AHCYL2: variants seen among roughly 807,000 people sequenced by gnomAD.
AHCYL2 encodes the protein adenosylhomocysteinase like 2, also known as S-adenosylhomocysteine hydrolase-like protein 2.
Under a neutral mutation model 81.4 loss-of-function variants are expected in AHCYL2, and 28 were observed. That is an observed-to-expected ratio of 0.34 (90% CI 0.25 to 0.47). The LOEUF is 0.47. Among genes scored for constraint, AHCYL2 ranks in the 20% least tolerant of loss-of-function variants. AHCYL2 has a pLI of 1.00. For synonymous variants in AHCYL2, 272 were observed against 290.2 expected, an observed-to-expected ratio of 0.94 and a Z score of 0.64; for missense variants, 551 against 785.1, an observed-to-expected ratio of 0.70 and a Z score of 3.56.
intron 1 of AHCYL2, among the ~76,000 whole-genome samples, chr7:129,311,414 T>C (rs1470322635): frequency 2.0e-5 from 3 of 152,248 alleles, no homozygotes; most frequent in Non-Finnish European, 4.4e-5. Context: ...TCATCTAACC[T>C]AAATGCTGAC....
chr7:129,351,796 T>G (rs1206027328), intron 1 of AHCYL2: 1 of 152,182 alleles, frequency 6.6e-6, no homozygotes, highest in African/African-American at 2.4e-5. Context: ...CCTGATACTG[T>G]TTTTCAAGGT....
intron 1 of AHCYL2, 119 bp from the exon 2 acceptor site, chr7:129,379,519 A>AT: frequency 1.4e-6 from 1 of 698,272 alleles, no homozygotes; most frequent in Non-Finnish European, 2.4e-6. Flanking sequence ...TATCCCAAAC[A>AT]TAGGTTGATA....
chr7:129,283,845 T>C (rs962086942), intron 1 of AHCYL2, among the ~76,000 whole-genome samples: 5 of 152,196 alleles, frequency 3.3e-5, no homozygotes, highest in Non-Finnish European at 2.9e-5. Flanking sequence ...TCTACCTATC[T>C]TGTTTGATTT....
chr7:129,251,207 A>G lies in AHCYL2; in HGVS notation c.363+25768A>G, dbSNP rs146558556. Among the ~76,000 whole-genome samples the G allele has an allele frequency of 2.0e-5, 3 of 152,298 alleles. No homozygotes were observed. In the East Asian group the frequency reaches 5.8e-4, roughly 29 times the overall value. On this transcript the variant is annotated intron_variant, in intron 1 of 16. Transcript: ENST00000325006. ...TGAGGTTTATATACCTTGATTGGTAAGCCTGTGTCTGATGTTTTAAGTGCC... is the reference window on the plus strand; with the variant it reads ...TGAGGTTTATATACCTTGATTGGTAGGCCTGTGTCTGATGTTTTAAGTGCC...
intron 1 of AHCYL2, among the ~76,000 whole-genome samples, chr7:129,237,217 GT>G (rs773299192): frequency 6.6e-6 from 1 of 151,730 alleles, no homozygotes; most frequent in Non-Finnish European, 1.5e-5. Flanking sequence ...TTCTTCACCT[GT>G]TTATATGGTT....
chr7:129,246,337 C>T (rs1343018063), intron 1 of AHCYL2, among the ~76,000 whole-genome samples: 3 of 152,030 alleles, frequency 2.0e-5, no homozygotes, highest in Non-Finnish European at 2.9e-5. Context: ...GGATTACAGG[C>T]GTGAGCCACC....
rs58088647 is a variant in AHCYL2, at chr7:129,227,457, CAAAAA to C, written c.363+2034_363+2038del. ...GCAACATGGTGAAAACCTCTCTCTC[CAAAAA>C]AAAAAAAAAAAAAAAGAGCCGGGCA... On this transcript the variant is annotated intron_variant, in intron 1 of 16. Coordinates refer to ENST00000325006, the MANE Select transcript of AHCYL2 (RefSeq NM_015328.4). Among the ~76,000 whole-genome samples, 7 of 70,224 alleles carry C rather than the reference CAAAAA, an allele frequency of 1.0e-4. No homozygotes were observed. The Admixed American group carries it at 1.1e-3, about 11-fold the overall frequency. The allele number at this position is 70,224 out of a possible 152,430, so 46.1% of individuals were successfully genotyped here. A position where few individuals can be genotyped will look rare whatever the true frequency, so the allele number is the denominator to read the frequency against.
chr7:129,318,960 C>T (rs758548617), intron 1 of AHCYL2, among the ~76,000 whole-genome samples: 1 of 150,872 alleles, frequency 6.6e-6, no homozygotes, highest in Non-Finnish European at 1.5e-5. Flanking sequence ...GGTGGCATGG[C>T]AAAAACTACT....
At chr7:129,364,822 G>A (rs533879087) in intron 1 of AHCYL2, among the ~76,000 whole-genome samples, 2 of 152,230 alleles carry the variant, frequency 1.3e-5, no homozygotes, top group East Asian at 3.9e-4. Flanking sequence ...TATTCCTGCA[G>A]AGATAATATA....
At chr7:129,281,931 T>G (rs1796461474) in intron 1 of AHCYL2, among the ~76,000 whole-genome samples, 1 of 152,232 alleles carries the variant, frequency 6.6e-6, no homozygotes, top group Admixed American at 6.5e-5. Flanking sequence ...TGTACTTTCA[T>G]TTTCATTCAG....
Position 129,409,467 on chromosome 7 carries a change from T to A in AHCYL2, c.1296-9T>A, listed in dbSNP as rs747754823. 2.4e-5 allele frequency: 39 copies of A among 1,612,900 alleles called. No individual in the cohort carries two copies. Among genetic ancestry groups the A allele is most frequent in the Non-Finnish European group, 3.1e-5 (37 of 1,179,424 alleles). ...GTTTAGGTTAATGGGTCATGCTTTATTTCAACAGTATGGATGGATTTCGAC... is the reference window on the plus strand; with the variant it reads ...GTTTAGGTTAATGGGTCATGCTTTAATTCAACAGTATGGATGGATTTCGAC... On this transcript the variant is annotated splice_polypyrimidine_tract_variant and intron_variant, in intron 10 of 16. Transcript: ENST00000325006.
chr7:129,229,820 A>G (rs190431253), intron 1 of AHCYL2, among the ~76,000 whole-genome samples: 27 of 152,368 alleles, frequency 1.8e-4, no homozygotes, highest in Admixed American at 1.2e-3. Context: ...TTCAAGATCA[A>G]TGATGCAGCT....
chr7:129,245,663 T>C (rs1387338345), intron 1 of AHCYL2, among the ~76,000 whole-genome samples: 3 of 152,248 alleles, frequency 2.0e-5, no homozygotes, highest in Admixed American at 2.0e-4. Context: ...TTCATCCATG[T>C]TGTATCACAT....
intron 2 of AHCYL2, among the ~76,000 whole-genome samples, chr7:129,384,493 G>A (rs964135568): frequency 6.6e-6 from 1 of 151,724 alleles, no homozygotes; most frequent in Non-Finnish European, 1.5e-5. Context: ...GTTCAGAGAC[G>A]TTATACTTTT....
chr7:129,328,766 A>G (rs534701933), intron 1 of AHCYL2, among the ~76,000 whole-genome samples: 80 of 152,320 alleles, frequency 5.3e-4, no homozygotes, highest in African/African-American at 1.3e-3. Flanking sequence ...GATTACAGGC[A>G]TGAGCCACCA....
chr7:129,423,065 A>G (rs1797190619), intron 13 of AHCYL2, 127 bp downstream of exon 13: 13 of 682,982 alleles, frequency 1.9e-5, no homozygotes, highest in South Asian at 1.8e-4. Flanking sequence ...TACTTTCCCA[A>G]TGGATTTTAC....
intron 4 of AHCYL2, among the ~76,000 whole-genome samples, chr7:129,391,116 A>G (rs1795450658): frequency 6.6e-6 from 1 of 152,198 alleles, no homozygotes; most frequent in Non-Finnish European, 1.5e-5. Flanking sequence ...ACTATTTCAC[A>G]GTATTATTTG....
chr7:129,391,838 G>A (rs1795485032), intron 4 of AHCYL2, among the ~76,000 whole-genome samples: 1 of 152,142 alleles, frequency 6.6e-6, no homozygotes, highest in Non-Finnish European at 1.5e-5. Context: ...TGGGTTATGT[G>A]TTCTCTGAGG....
chr7:129,312,073 C>T (rs186440292), intron 1 of AHCYL2, among the ~76,000 whole-genome samples: 38 of 152,260 alleles, frequency 2.5e-4, no homozygotes, highest in African/African-American at 4.3e-4. Context: ...ACTGTAGCCT[C>T]GACCTCTTGG....
Sources: allele counts gnomAD v4.1 joint callset (sites outside exome capture counted in the v4.1 genomes callset), GRCh38; gene constraint gnomAD v4.1.1; transcripts MANE v1.5; gene names NCBI Gene and HGNC (gene_info 2026-07-23, HGNC 2026-07-21).